The following LILRB4 variants were observed in gnomAD, a reference collection of about 807,000 sequenced individuals.
LILRB4 encodes leukocyte immunoglobulin like receptor B4.
LILRB4 carries 49 observed loss-of-function variants against 55.2 expected under a neutral mutation model. That is an observed-to-expected ratio of 0.89 (90% CI 0.71 to 1.13). The LOEUF (loss-of-function observed/expected upper bound fraction) is 1.13. LILRB4 is among the 50% of genes most tolerant of loss of function. LILRB4 has a pLI of 0.00. For synonymous variants in LILRB4, 229 were observed against 213.8 expected, an observed-to-expected ratio of 1.07 and a Z score of -0.62; for missense variants, 590 against 555.2, an observed-to-expected ratio of 1.06 and a Z score of -0.63.
chr19:54,668,185 T>C (rs2065384804), exon 12 of LILRB4: 1 of 698,426 alleles, frequency 1.4e-6, no homozygotes, highest in Non-Finnish European at 2.4e-6. Flanking sequence ...CAAAGATAAA[T>C]AATATCCCTG....
At position 54,666,583 on chromosome 19, in the gene LILRB4, C is replaced by A; in HGVS notation, c.989-114C>A. 7.0e-7 allele frequency: 1 copy of A among 1,429,040 alleles called. No individual in the cohort carries two copies. The highest frequency in any genetic ancestry group is 1.4e-5 in the African/African-American group (1 of 71,156). 88.5% of individuals were successfully genotyped at this position (1,429,040 alleles called of 1,614,324 possible). ...CCACATTGTGGGACCTCGGGGACATCACAGCCCCTCCCTGCGTTGCAGTGG... is the reference window on the plus strand; with the variant it reads ...CCACATTGTGGGACCTCGGGGACATAACAGCCCCTCCCTGCGTTGCAGTGG... On this transcript the variant is annotated intron_variant, in intron 9 of 11. Coordinates refer to ENST00000430952, the Ensembl canonical transcript of LILRB4. This position sits in a 1 kb window ranked among gnomAD's most constrained non-coding sequence, Gnocchi z 4.8.
chr19:54,663,135 G>C, intron 1 of LILRB4, 68 bp downstream of exon 1: 1 of 1,553,372 alleles, frequency 6.4e-7, no homozygotes, highest in Non-Finnish European at 8.7e-7. Context: ...CCAGGCCCTG[G>C]TTCTTTAGGA....
chr19:54,664,051 T>G lies in LILRB4; in HGVS notation c.355+13T>G. 1.2e-6 allele frequency: 2 copies of G among 1,607,168 alleles called. No homozygotes were observed. Among genetic ancestry groups the G allele is most frequent in the South Asian group, 2.2e-5 (2 of 90,322 alleles). ...CTGGTGATGACAGGTGAGAGGACAC[T>G]CAGGGGTCCCAGCCCCAGGCTCTGC... On this transcript the variant is annotated intron_variant, in intron 3 of 11. Coordinates refer to ENST00000430952, the Ensembl canonical transcript of LILRB4.
chr19:54,663,443 CAAAAA>C (rs61542200), intron 1 of LILRB4, 84 bp from the exon 2 acceptor site: 164 of 954,562 alleles, frequency 1.7e-4, no homozygotes, highest in Admixed American at 1.2e-3. Flanking sequence ...GACTCCGTCT[CAAAAA>C]AAAAAAAAAA....
chr19:54,663,728 G>A, intron 2 of LILRB4, 26 bp from the exon 3 acceptor site: 1 of 1,612,710 alleles, frequency 6.2e-7, no homozygotes, highest in Non-Finnish European at 8.5e-7. Flanking sequence ...GAAGGTCTTG[G>A]GATCCAGCCT....
chr19:54,664,875 AGAGTTTCCAAAGCCC>A, intron 5 of LILRB4, 26 bp downstream of exon 5: 2 of 1,606,658 alleles, frequency 1.2e-6, no homozygotes, highest in African/African-American at 2.7e-5. Flanking sequence ...CTCTGTCCAG[AGAGTTTCCAAAGCCC>A]GAGGCCTGTC....
rs542998182 is a variant in LILRB4, at chr19:54,665,483, C to A, written c.757+303C>A. Among the ~76,000 whole-genome samples the A allele has an allele frequency of 9.2e-5, 14 of 152,198 alleles. No homozygotes were observed. The East Asian group carries it at 2.7e-3, about 29-fold the overall frequency. ...GGTGACCTGGGGCAGGGGAGGGGAG[C>A]AGGGCGGTGGTTCAAGACAGTCAGG... On this transcript the variant is annotated intron_variant, in intron 6 of 11. Coordinates refer to ENST00000430952, the Ensembl canonical transcript of LILRB4. The surrounding 1 kb of genome is among the most constrained non-coding windows in gnomAD (Gnocchi z 5.5).
chr19:54,666,595 C>A lies in LILRB4; in HGVS notation c.989-102C>A. On this transcript the variant is annotated intron_variant, in intron 9 of 11. Transcript: ENST00000430952. The surrounding 1 kb of genome is among the most constrained non-coding windows in gnomAD (Gnocchi z 4.8). ...ACCTCGGGGACATCACAGCCCCTCC[C>A]TGCGTTGCAGTGGCACTAATGGGAA... 2.8e-6 allele frequency: 4 copies of A among 1,445,864 alleles called. No individual in the cohort carries two copies. The highest frequency in any genetic ancestry group is 1.4e-5 in the African/African-American group (1 of 71,446). The allele number at this position is 1,445,864 out of a possible 1,614,324, so 89.6% of individuals were successfully genotyped here.
exon 4 of LILRB4, chr19:54,664,399 G>C (rs2065169847): frequency 1.9e-6 from 3 of 1,613,242 alleles, no homozygotes; most frequent in Non-Finnish European, 8.5e-7. Flanking sequence ...TCAGTGCACG[G>C]GGGGACCTAC....
rs763440253 is a variant in LILRB4 at position 54,663,739 on chromosome 19, C to T, written c.71-15C>T. On this transcript the variant is annotated splice_polypyrimidine_tract_variant and intron_variant, in intron 2 of 11. Transcript: ENST00000430952. ...TGAGGAAGGTCTTGGGATCCAGCCT[C>T]TGATTTTCTTCCAGGGCCCCTCCCC... 6.2e-7 allele frequency: 1 copy of T among 1,613,628 alleles called. No homozygotes were observed. Among genetic ancestry groups the T allele is most frequent in the Non-Finnish European group, 8.5e-7 (1 of 1,179,802 alleles).
At position 54,666,542 on chromosome 19, in the gene LILRB4, G is replaced by A. The variant is rs144732224; in HGVS notation, c.988+106G>A. 2,032 of 1,490,190 alleles carry A rather than the reference G, an allele frequency of 1.4e-3. 21 individuals are homozygous for A. In the African/African-American group the frequency reaches 0.026, roughly 19 times the overall value. The allele number at this position is 1,490,190 out of a possible 1,614,324, so 92.3% of individuals were successfully genotyped here. The stretch of plus-strand genomic sequence containing the variant: ...GGCTAGGATTGGTCAGGGACTCAGG[G>A]AGAAGTGGTCTGAACCCACATTGTG... On this transcript the variant is annotated intron_variant, in intron 9 of 11. Transcript: ENST00000430952. This position sits in a 1 kb window ranked among gnomAD's most constrained non-coding sequence, Gnocchi z 4.8.
chr19:54,664,532 T>G, intron 4 of LILRB4, 47 bp downstream of exon 4: 1 of 1,537,830 alleles, frequency 6.5e-7, no homozygotes, highest in Non-Finnish European at 8.8e-7. Flanking sequence ...GCTCCGTTCA[T>G]GCCCTGCTGC....
At chr19:54,664,481 C>A in exon 4 of LILRB4, 4 of 1,599,202 alleles carry the variant, frequency 2.5e-6, no homozygotes, top group Non-Finnish European at 3.4e-6. Flanking sequence ...AGCTCATAGT[C>A]TCAGGTGAGG....
chr19:54,668,321 G>T, exon 12 of LILRB4: 1 of 320,964 alleles, frequency 3.1e-6, no homozygotes, highest in Non-Finnish European at 5.7e-6. Flanking sequence ...CAATGACATG[G>T]GAAAATGGGA....
chr19:54,663,949 C>T, exon 3 of LILRB4: 1 of 1,614,162 alleles, frequency 6.2e-7, no homozygotes, highest in African/African-American at 1.3e-5. Flanking sequence ...CCATCCATGA[C>T]AGAGGACTAT....
In LILRB4 at chr19:54,665,734, C is replaced by A. The variant is rs184880195; in HGVS notation, c.758-81C>A. On this transcript the variant is annotated intron_variant, in intron 6 of 11. Coordinates refer to ENST00000430952, the Ensembl canonical transcript of LILRB4. The surrounding 1 kb of genome is among the most constrained non-coding windows in gnomAD (Gnocchi z 5.5). ...GGGTTGGAGGTAATGAAAGAAAGAC[C>A]CAGCACACACAGTAGGTGCACACAC... is the stretch of plus-strand genomic sequence containing the variant. The A allele has an allele frequency of 7.3e-5, 108 of 1,487,970 alleles. No homozygotes were observed. The African/African-American group carries it at 1.2e-3, about 17-fold the overall frequency. The allele number at this position is 1,487,970 out of a possible 1,614,324, so 92.2% of individuals were successfully genotyped here.
rs751781322 is a variant in LILRB4, at chr19:54,665,064, G to A, written c.707-66G>A. ...GGGTCAAGGCTGAAGGAGATGTTGCGGGGAGAAGCCGAGCTGATGTGGGGA... is the reference window on the plus strand; with the variant it reads ...GGGTCAAGGCTGAAGGAGATGTTGCAGGGAGAAGCCGAGCTGATGTGGGGA... On this transcript the variant is annotated intron_variant, in intron 5 of 11. Coordinates refer to ENST00000430952, the Ensembl canonical transcript of LILRB4. This position sits in a 1 kb window ranked among gnomAD's most constrained non-coding sequence, Gnocchi z 5.5. 157 of 1,583,222 alleles carry A rather than the reference G, an allele frequency of 9.9e-5. No individual in the cohort carries two copies. The highest frequency in any genetic ancestry group is 1.3e-4 in the Non-Finnish European group (146 of 1,154,510).
chr19:54,667,250 A>G (rs1278702229), intron 10 of LILRB4: 2 of 571,744 alleles, frequency 3.5e-6, no homozygotes, highest in African/African-American at 3.7e-5. Context: ...AAGGGCAGAG[A>G]GTGTGGGGCA....
rs199991320 is a variant in LILRB4, at chr19:54,663,486, T to C, written c.35-46T>C. 1.2e-3 allele frequency: 1,753 copies of C among 1,486,772 alleles called. 17 individuals are homozygous for C. The highest frequency in any genetic ancestry group is 5.1e-3 in the South Asian group (453 of 88,452). 92.1% of individuals were successfully genotyped at this position (1,486,772 alleles called of 1,614,324 possible). On this transcript the variant is annotated intron_variant, in intron 1 of 11. Transcript: ENST00000430952. ...AAAATCTCAGGGTAAAGAGAGGACCTGCTCAGGCTTCCGGGGCAAATCCCT... is the reference window on the plus strand; with the variant it reads ...AAAATCTCAGGGTAAAGAGAGGACCCGCTCAGGCTTCCGGGGCAAATCCCT...
Sources: gnomAD v4.1 joint callset for allele counts (sites outside exome capture counted in the v4.1 genomes callset) on GRCh38, gnomAD v4.1.1 for gene constraint, Gnocchi (gnomAD v3.1) non-coding constraint, MANE v1.5 for transcripts, NCBI Gene and HGNC (gene_info 2026-07-23, HGNC 2026-07-21) for gene names.